MARCHF6: variants seen among roughly 807,000 people sequenced by gnomAD.
MARCHF6 encodes E3 ubiquitin-protein ligase MARCHF6.
MARCHF6 carries 31 observed loss-of-function variants against 133.7 expected under a neutral mutation model. The observed-to-expected ratio is 0.23, with a 90% CI of 0.17 to 0.31. The LOEUF (loss-of-function observed/expected upper bound fraction) is 0.31, where lower values mean the gene tolerates loss of function less well. Ranked by LOEUF, MARCHF6 falls within the 10% of genes least tolerant of loss-of-function variation. The pLI is 1.00. For synonymous variants in MARCHF6, 395 were observed against 402.5 expected (o/e 0.98, Z 0.22); for missense variants, 723 against 1,121.6 (o/e 0.64, Z 5.08).
In MARCHF6 at chr5:10,390,336, A is replaced by C; in HGVS notation, c.412A>C (p.Asn138His). 6.2e-7 allele frequency: 1 copy of C among 1,610,864 alleles called. No homozygotes were observed. ...TLPLDMLSTENLLADCLQGCF... is the reference protein window; with the variant it reads ...TLPLDMLSTEHLLADCLQGCF... ...ATGTACTTTTTTTTTTAATAGGGAAAATTTGTTGGCAGATTGTTTGCAGGG... is the reference window on the plus strand; with the variant it reads ...ATGTACTTTTTTTTTTAATAGGGAACATTTGTTGGCAGATTGTTTGCAGGG... The change falls in exon 6 of 26, where the codon AAT becomes CAT. Residue 138 changes from asparagine to histidine, a missense_variant. By Grantham distance (68) the Asn-to-His change is moderately conservative (BLOSUM62 1). Coordinates refer to ENST00000274140, the MANE Select transcript of MARCHF6 (RefSeq NM_005885.4).
Position 10,411,550 on chromosome 5 carries a change from C to T in MARCHF6, c.1896+13C>T, listed in dbSNP as rs751406609. On this transcript the variant is annotated intron_variant, in intron 19 of 25. Transcript: ENST00000274140. The stretch of plus-strand genomic sequence containing the variant: ...TTTTCCACTCAGGGTAGGTGCTATA[C>T]AGACTTAATCACATATAGAGGTTTT... The T allele has an allele frequency of 3.1e-6, 5 of 1,588,864 alleles. No individual in the cohort carries two copies. In the African/African-American group the frequency reaches 5.4e-5, roughly 17 times the overall value.
rs748874576 is a variant in MARCHF6, at chr5:10,368,572, TTTTG to T, written c.20-9214_20-9211del. On this transcript the variant is annotated intron_variant, in intron 1 of 25. Transcript: ENST00000274140. ...AGGATCACTTAAGCCCAGGAGTGTTTTTTGTTTGTTTGTTTCTTTTTGAGATAGA... is the reference window on the plus strand; with the variant it reads ...AGGATCACTTAAGCCCAGGAGTGTTTTTTGTTTGTTTCTTTTTGAGATAGA... Among the ~76,000 whole-genome samples the T allele has an allele frequency of 3.7e-4, 57 of 152,138 alleles. No homozygotes were observed. In the East Asian group the frequency reaches 0.01, roughly 27 times the overall value.
chr5:10,394,484 G>T (rs1313937797), intron 8 of MARCHF6, among the ~76,000 whole-genome samples: 1 of 152,134 alleles, frequency 6.6e-6, no homozygotes, highest in African/African-American at 2.4e-5. Flanking sequence ...TTAATTAGCT[G>T]TATATCTTGA....
Position 10,435,623 on chromosome 5 carries a change from CTATATAACTATATAACTATATATATA to C in MARCHF6, c.*1946_*1971del, listed in dbSNP as rs1379114199. ...CATTATTATTGAATTGAGCATATAA[CTATATAACTATATAACTATATATATA>C]TATATATATATATATATATATATAT... On this transcript the variant is annotated 3_prime_UTR_variant, in exon 26 of 26. Coordinates refer to ENST00000274140, the MANE Select transcript of MARCHF6 (RefSeq NM_005885.4). 2.9e-3 allele frequency: 37 copies of C among 12,548 alleles called. 2 individuals carry two copies. Among genetic ancestry groups the C allele is most frequent in the East Asian group, 4.6e-3 (4 of 866 alleles). The allele number at this position is 12,548 out of a possible 1,614,324, so 0.8% of individuals were successfully genotyped here.
chr5:10,439,292 G>A lies in MARCHF6; in HGVS notation c.*5608G>A, dbSNP rs1740766291. 1.3e-5 allele frequency: 2 copies of A among 152,162 alleles called. No individual in the cohort carries two copies. The highest frequency in any genetic ancestry group is 2.9e-5 in the Non-Finnish European group (2 of 68,042). 9.4% of individuals were successfully genotyped at this position (152,162 alleles called of 1,614,324 possible). A position where few individuals can be genotyped will look rare whatever the true frequency, so the allele number is the denominator to read the frequency against. On this transcript the variant is annotated 3_prime_UTR_variant, in exon 26 of 26. Transcript: ENST00000274140. ...ACAAATTGATCCATATCTTAACACT[G>A]GCAAAGATTAAAGTCCAAATGGATT...
intron 18 of MARCHF6, among the ~76,000 whole-genome samples, chr5:10,410,720 G>C (rs1739180225): frequency 6.6e-6 from 1 of 152,002 alleles, no homozygotes; most frequent in Admixed American, 6.5e-5. Context: ...TTTAAAAGTT[G>C]AATCTTTAAA....
chr5:10,428,678 T>C (rs1740219423), intron 24 of MARCHF6, among the ~76,000 whole-genome samples: 1 of 152,170 alleles, frequency 6.6e-6, no homozygotes, highest in Non-Finnish European at 1.5e-5. Flanking sequence ...TAAAATTAAA[T>C]TATTTTGACT....
At chr5:10,377,262 C>A (rs1380187579) in intron 1 of MARCHF6, among the ~76,000 whole-genome samples, 2 of 152,162 alleles carry the variant, frequency 1.3e-5, no homozygotes, top group Non-Finnish European at 2.9e-5. Context: ...CCCCTCCCCC[C>A]ACCAGCCCTT....
intron 12 of MARCHF6, 118 bp downstream of exon 12, chr5:10,402,257 G>GT: frequency 9.0e-7 from 1 of 1,109,466 alleles, no homozygotes; most frequent in East Asian, 2.4e-5. Flanking sequence ...GGTATTTGCA[G>GT]TAAGGGTCAG....
chr5:10,392,361 C>T (rs1352667118), intron 7 of MARCHF6, among the ~76,000 whole-genome samples: 1 of 152,214 alleles, frequency 6.6e-6, no homozygotes, highest in African/African-American at 2.4e-5. Flanking sequence ...TCACCTCATT[C>T]ATTTGCTTCT....
intron 17 of MARCHF6, among the ~76,000 whole-genome samples, chr5:10,407,871 G>T (rs529423972): frequency 6.6e-6 from 1 of 151,592 alleles, no homozygotes; most frequent in Non-Finnish European, 1.5e-5. Flanking sequence ...CAGGAGAATC[G>T]CTTGAACCCA....
chr5:10,377,708 T>C (rs1736876104), intron 1 of MARCHF6, 90 bp from the exon 2 acceptor site: 5 of 755,346 alleles, frequency 6.6e-6, no homozygotes, highest in Non-Finnish European at 1.2e-5. Flanking sequence ...ATTCTTGCTT[T>C]AATGTCCAAT....
intron 9 of MARCHF6, among the ~76,000 whole-genome samples, chr5:10,396,658 A>G (rs1738208560): frequency 6.6e-6 from 1 of 152,172 alleles, no homozygotes; most frequent in African/African-American, 2.4e-5. Context: ...AGCATGGGGC[A>G]TAGCTAAGGT....
rs1740627818 is a variant in MARCHF6, at chr5:10,435,730, C to T, written c.*2046C>T. On this transcript the variant is annotated 3_prime_UTR_variant, in exon 26 of 26. Transcript: ENST00000274140. ...TTTTTTTTTTTTTTTTTTTTTTTTG[C>T]CCCCGAGACAGAGTCTTACTCTGTT... 2.0e-5 allele frequency: 1 copy of T among 50,906 alleles called. No individual in the cohort carries two copies. The highest frequency in any genetic ancestry group is 3.7e-5 in the Non-Finnish European group (1 of 27,310). 3.2% of individuals were successfully genotyped at this position (50,906 alleles called of 1,614,324 possible). A position where few individuals can be genotyped will look rare whatever the true frequency, so the allele number is the denominator to read the frequency against.
intron 1 of MARCHF6, among the ~76,000 whole-genome samples, chr5:10,362,017 C>T (rs1225633415): frequency 1.3e-5 from 2 of 152,168 alleles, no homozygotes; most frequent in Non-Finnish European, 2.9e-5. Flanking sequence ...CCCACCTCGG[C>T]CTCCCAAAGT....
chr5:10,402,386 C>T lies in MARCHF6; in HGVS notation c.1056C>T (p.Gly352=), dbSNP rs1480988238. 1 of 1,613,662 alleles carries T rather than the reference C, an allele frequency of 6.2e-7. No individual in the cohort carries two copies. The highest frequency in any genetic ancestry group is 1.3e-5 in the African/African-American group (1 of 74,914). Residue 352 remains glycine, a splice_region_variant and synonymous_variant, in exon 13 of 26, where the codon GGC becomes GGT. Transcript: ENST00000274140. ...TTTTCCTTGACCTGATGCTGTAGGG[C>T]TTGGCAACTCTTGTGAAATTTCATA... ...LLAITLIICH[G]LATLVKFHRS...
intron 1 of MARCHF6, among the ~76,000 whole-genome samples, chr5:10,369,465 C>G (rs1033485012): frequency 3.3e-5 from 5 of 152,080 alleles, no homozygotes; most frequent in African/African-American, 1.2e-4. Context: ...GTAGACAGTA[C>G]TGTAGAAGGC....
At chr5:10,382,205 C>G (rs189943355) in intron 4 of MARCHF6, among the ~76,000 whole-genome samples, 183 of 152,206 alleles carry the variant, frequency 1.2e-3, no homozygotes, top group African/African-American at 4.1e-3. Flanking sequence ...TTGAAAAAAT[C>G]AAATCAAATC....
intron 1 of MARCHF6, among the ~76,000 whole-genome samples, chr5:10,366,600 CT>C (rs1371599885): frequency 6.6e-6 from 1 of 152,072 alleles, no homozygotes; most frequent in East Asian, 1.9e-4. Flanking sequence ...ACAAAAGAAA[CT>C]TTTAAAGGAA....
Sources: allele counts gnomAD v4.1 joint callset (sites outside exome capture counted in the v4.1 genomes callset), GRCh38; gene constraint gnomAD v4.1.1; transcripts MANE v1.5; gene names NCBI Gene and HGNC (gene_info 2026-07-23, HGNC 2026-07-21).